KANK1: variants seen among roughly 807,000 people sequenced by gnomAD.
KANK1 encodes the protein KN motif and ankyrin repeat domains 1.
In KANK1, 109 loss-of-function variants were observed where a neutral mutation model predicts 106.2. The observed-to-expected ratio is 1.03, with a 90% CI of 0.88 to 1.20. The LOEUF is 1.20. Ranked by LOEUF, KANK1 falls within the 50% of genes most tolerant of loss-of-function variation. The pLI, the probability that KANK1 is intolerant of heterozygous loss-of-function variation, is 0.00. For missense variants in KANK1, 2,399 were observed against 1,710.7 expected, an observed-to-expected ratio of 1.40 and a Z score of -7.10; for synonymous variants, 873 against 652.2, an observed-to-expected ratio of 1.34 and a Z score of -5.16.
At chr9:581,702 A>G (rs542630430) in intron 1 of KANK1, among the ~76,000 whole-genome samples, 1 of 152,292 alleles carries the variant, frequency 6.6e-6, no homozygotes, top group Admixed American at 6.5e-5. Context: ...TCTTTCCCAT[A>G]TCACCCTCCC....
chr9:577,018 C>T (rs920485549), intron 1 of KANK1, among the ~76,000 whole-genome samples: 2 of 152,196 alleles, frequency 1.3e-5, no homozygotes, highest in African/African-American at 4.8e-5. Context: ...TTTCTTCCTT[C>T]CAGTGGGTTC....
chr9:577,698 T>A lies in KANK1; in HGVS notation c.-84+72944T>A, dbSNP rs573942137. 3.3e-5 allele frequency among the ~76,000 whole-genome samples: 5 copies of A among 152,266 alleles called. No individual in the cohort carries two copies. The South Asian group carries it at 8.3e-4, about 25-fold the overall frequency. On this transcript the variant is annotated intron_variant, in intron 1 of 11. Coordinates refer to ENST00000382297, the MANE Select transcript of KANK1 (RefSeq NM_015158.5). ...TTGGTAGAAGTACACATTCTCAAGT[T>A]CCACCCCAAACCTCTTGAATCAGAA...
At chr9:547,058 A>G (rs1408837740) in intron 1 of KANK1, among the ~76,000 whole-genome samples, 1 of 152,176 alleles carries the variant, frequency 6.6e-6, no homozygotes, top group African/African-American at 2.4e-5. Flanking sequence ...TTGTTGTTTG[A>G]AACATTTGGG....
chr9:509,957 C>T (rs1280548410), intron 1 of KANK1, among the ~76,000 whole-genome samples: 1 of 150,854 alleles, frequency 6.6e-6, no homozygotes. Context: ...TGTGCCACTG[C>T]ACTCAGCTAA....
chr9:625,792 A>C (rs1834197946), intron 1 of KANK1, among the ~76,000 whole-genome samples: 2 of 152,122 alleles, frequency 1.3e-5, no homozygotes, highest in Non-Finnish European at 2.9e-5. Context: ...TGAGCCCCTG[A>C]GTTTGTTGCA....
intron 3 of KANK1, among the ~76,000 whole-genome samples, chr9:485,845 TG>T (rs1244159230): frequency 7.0e-6 from 1 of 141,942 alleles, no homozygotes; most frequent in Non-Finnish European, 1.5e-5. Flanking sequence ...CACTCCAGCC[TG>T]GGTGACAGAG....
chr9:730,975 A>C (rs1252401516), intron 4 of KANK1, 183 bp from the exon 5 acceptor site: 1 of 409,524 alleles, frequency 2.4e-6, no homozygotes, highest in Admixed American at 4.3e-5. Flanking sequence ...GAATGTTATT[A>C]ATGGAACTTT....
In KANK1 at chr9:731,251, T is replaced by G. The variant is rs752539127; in HGVS notation, c.2990T>G (p.Val997Gly). ...SNGAKKNLQF[V>G]GINGGYETTS... The stretch of plus-strand genomic sequence containing the variant: ...GGCGCAAAAAAGAATCTTCAGTTTG[T>G]TGGCATTAATGGAGGGTAAGGAAAG... The change falls in exon 5 of 12, where the codon GTT becomes GGT. Residue 997 changes from valine to glycine, a missense_variant. Physicochemically the swap from Val to Gly is moderately radical, Grantham distance 109. Coordinates refer to ENST00000382297, the MANE Select transcript of KANK1 (RefSeq NM_015158.5). 1.9e-6 allele frequency: 3 copies of G among 1,598,214 alleles called. No individual in the cohort carries two copies. The African/African-American group carries it at 4.0e-5, about 21-fold the overall frequency.
At chr9:633,658 T>C (rs1175319713) in intron 1 of KANK1, among the ~76,000 whole-genome samples, 2 of 152,200 alleles carry the variant, frequency 1.3e-5, no homozygotes, top group African/African-American at 4.8e-5. Flanking sequence ...ATATGTTTTA[T>C]TTATTAATGT....
chr9:694,515 C>T (rs1255853302), intron 2 of KANK1, among the ~76,000 whole-genome samples: 3 of 152,102 alleles, frequency 2.0e-5, no homozygotes, highest in African/African-American at 4.8e-5. Flanking sequence ...ACTTAGGAGC[C>T]CATGGCATTT....
At chr9:557,309 GA>G (rs918743813) in intron 1 of KANK1, among the ~76,000 whole-genome samples, 1 of 152,036 alleles carries the variant, frequency 6.6e-6, no homozygotes, top group African/African-American at 2.4e-5. Flanking sequence ...AACAGAAAAA[GA>G]GGGAATATAT....
chr9:584,260 CAT>C (rs1822892001), intron 1 of KANK1, among the ~76,000 whole-genome samples: 1 of 149,788 alleles, frequency 6.7e-6, no homozygotes, highest in Admixed American at 6.6e-5. Context: ...CAAGTAATAT[CAT>C]ATGATTTACT....
chr9:724,168 T>C (rs1236684430), intron 3 of KANK1, among the ~76,000 whole-genome samples: 2 of 152,190 alleles, frequency 1.3e-5, no homozygotes, highest in African/African-American at 4.8e-5. Flanking sequence ...TTATCTTTTT[T>C]TAAGATTTGA....
intron 2 of KANK1, among the ~76,000 whole-genome samples, chr9:471,251 T>A (rs1298489051): frequency 6.6e-6 from 1 of 152,132 alleles, no homozygotes. Context: ...TAGTGCCAGC[T>A]GAGTGGAATG....
chr9:744,333 A>C (rs763212492), intron 10 of KANK1, among the ~76,000 whole-genome samples, 158 bp from the exon 11 acceptor site: 27 of 152,252 alleles, frequency 1.8e-4, no homozygotes, highest in Non-Finnish European at 3.5e-4. Context: ...TCAGGCCTTC[A>C]CCCTTAGAGG....
intron 1 of KANK1, among the ~76,000 whole-genome samples, chr9:594,318 G>T (rs1044953573): frequency 6.6e-6 from 1 of 151,926 alleles, no homozygotes; most frequent in African/African-American, 2.4e-5. Context: ...CTAACTAGGG[G>T]GAAAAGGCCA....
At chr9:476,960 G>A (rs2058115243) in intron 3 of KANK1, among the ~76,000 whole-genome samples, 1 of 152,142 alleles carries the variant, frequency 6.6e-6, no homozygotes, top group Non-Finnish European at 1.5e-5. Flanking sequence ...CTTTGCACAA[G>A]TCTCCTTTCC....
chr9:644,053 T>C (rs1488056196), intron 1 of KANK1, among the ~76,000 whole-genome samples: 1 of 150,960 alleles, frequency 6.6e-6, no homozygotes, highest in Non-Finnish European at 1.5e-5. Flanking sequence ...TAGTGTGGTG[T>C]GTCATTAGAA....
intron 1 of KANK1, among the ~76,000 whole-genome samples, chr9:649,567 A>G (rs1399711057): frequency 6.6e-6 from 1 of 152,260 alleles, no homozygotes; most frequent in East Asian, 1.9e-4. Flanking sequence ...TACACACTAT[A>G]GCAGGTTTCC....
Sources: gnomAD v4.1 joint callset for allele counts (sites outside exome capture counted in the v4.1 genomes callset) on GRCh38, gnomAD v4.1.1 for gene constraint, MANE v1.5 for transcripts, NCBI Gene and HGNC (gene_info 2026-07-23, HGNC 2026-07-21) for gene names.